The following ASTN2 variants were observed in gnomAD, a reference collection of about 807,000 sequenced individuals.
The protein encoded by ASTN2 is astrotactin-2.
ASTN2 carries 54 observed loss-of-function variants against 139.8 expected under a neutral mutation model. The observed-to-expected ratio is 0.39, with a 90% CI of 0.31 to 0.48. The LOEUF (loss-of-function observed/expected upper bound fraction) is 0.48, where lower values mean the gene tolerates loss of function less well. Among genes scored for constraint, ASTN2 ranks in the 20% least tolerant of loss-of-function variants. The probability of loss-of-function intolerance (pLI) is 0.95; values close to 1 mark genes in which losing one functional copy is unlikely to be tolerated. For synonymous variants in ASTN2, 756 were observed against 719.5 expected (o/e 1.05, Z -0.81); for missense variants, 1,565 against 1,725.1 (o/e 0.91, Z 1.64).
intron 10 of ASTN2, among the ~76,000 whole-genome samples, chr9:116,932,971 A>C (rs1184634549): frequency 1.5e-5 from 2 of 132,246 alleles, no homozygotes; most frequent in Non-Finnish European, 3.1e-5. Context: ...GAGCCACTGC[A>C]CTCCAGCCTG....
At chr9:117,367,958 T>C (rs1829889770) in intron 1 of ASTN2, among the ~76,000 whole-genome samples, 1 of 152,136 alleles carries the variant, frequency 6.6e-6, no homozygotes, top group Non-Finnish European at 1.5e-5. Flanking sequence ...GTATGGAGTA[T>C]GTGCTCTTTT....
At chr9:117,102,500 T>C (rs1829003234) in intron 4 of ASTN2, among the ~76,000 whole-genome samples, 1 of 152,166 alleles carries the variant, frequency 6.6e-6, no homozygotes, top group Non-Finnish European at 1.5e-5. Context: ...TAAATGCCAC[T>C]GAATTATACA....
intron 2 of ASTN2, among the ~76,000 whole-genome samples, chr9:117,266,702 G>A (rs896051915): frequency 2.0e-5 from 3 of 151,744 alleles, no homozygotes; most frequent in East Asian, 1.9e-4. Context: ...TATTATTTTC[G>A]TTTTGCTTTA....
At position 116,973,709 on chromosome 9, in the gene ASTN2, C is replaced by T. The variant is rs560509920; in HGVS notation, c.1889+1499G>A. On this transcript the variant is annotated intron_variant, in intron 10 of 22. Coordinates refer to ENST00000313400, the MANE Select transcript of ASTN2 (RefSeq NM_001365068.1). The stretch of plus-strand genomic sequence containing the variant: ...CTTAGCACATGCTTTACTAAAATCT[C>T]GTATACTTCAATTCTATCAAAAATG... 2.0e-5 allele frequency among the ~76,000 whole-genome samples: 3 copies of T among 152,294 alleles called. No homozygotes were observed. In the East Asian group the frequency reaches 5.8e-4, roughly 29 times the overall value.
intron 13 of ASTN2, among the ~76,000 whole-genome samples, chr9:116,735,415 T>C (rs894209): frequency 1 from 152,340 of 152,350 alleles, 76,165 homozygotes; most frequent in Non-Finnish European, 1. Flanking sequence ...GTCCTCATGC[T>C]TCCCTTGTGA....
chr9:117,395,574 G>C (rs1830655378), intron 1 of ASTN2, among the ~76,000 whole-genome samples: 1 of 152,196 alleles, frequency 6.6e-6, no homozygotes. Flanking sequence ...CTCAAGGCTG[G>C]TGTTCTGAGT....
intron 4 of ASTN2, among the ~76,000 whole-genome samples, chr9:117,102,235 T>C (rs961795457): frequency 6.6e-6 from 1 of 152,238 alleles, no homozygotes. Context: ...ACAATGTGGA[T>C]GAATGTTGCA....
intron 5 of ASTN2, among the ~76,000 whole-genome samples, chr9:117,088,104 T>C (rs1231969669): frequency 7.9e-5 from 12 of 152,212 alleles, no homozygotes. Context: ...GAAGACTGAA[T>C]GGATTACCTT....
chr9:117,126,360 C>T (rs989613103), intron 4 of ASTN2, among the ~76,000 whole-genome samples: 3 of 152,192 alleles, frequency 2.0e-5, no homozygotes. Flanking sequence ...AATTTACCTC[C>T]AAGCTCCTGG....
chr9:116,857,064 C>T (rs1251481727), intron 11 of ASTN2, among the ~76,000 whole-genome samples: 1 of 152,142 alleles, frequency 6.6e-6, no homozygotes, highest in African/African-American at 2.4e-5. Flanking sequence ...TCATTTTTCT[C>T]ATGTGTGAAG....
intron 3 of ASTN2, among the ~76,000 whole-genome samples, chr9:117,144,660 GTTTTTTTTTTTTTTTTTTTTTTTTTTTT>G (rs71379267): frequency 1.3e-5 from 1 of 78,308 alleles, no homozygotes; most frequent in Non-Finnish European, 2.3e-5. Context: ...GTGAACACTA[GTTTTTTTTTTTTTTTTTTTTTTTTTTTT>G]TTTTTTTTTT....
At chr9:116,596,490 T>C (rs1854585414) in intron 19 of ASTN2, among the ~76,000 whole-genome samples, 1 of 152,116 alleles carries the variant, frequency 6.6e-6, no homozygotes, top group African/African-American at 2.4e-5. Context: ...AAAATAAAAT[T>C]ATTGGAGGCG....
Position 117,199,641 on chromosome 9 carries a change from G to GTT in ASTN2, c.1015+14715_1015+14716dup, listed in dbSNP as rs34734014. Among the ~76,000 whole-genome samples, 62 of 150,764 alleles carry GTT rather than the reference G, an allele frequency of 4.1e-4. 1 individual carries two copies. Among genetic ancestry groups the GTT allele is most frequent in the Admixed American group, 1.3e-3 (20 of 15,118 alleles). On this transcript the variant is annotated intron_variant, in intron 3 of 22. Transcript: ENST00000313400. ...TTTGACTCATGTGAAATTTAAAGTA[G>GTT]TTTTTTTTTTCTAATTCTGTGAAGA...
chr9:117,132,222 A>G (rs554657056), intron 4 of ASTN2, among the ~76,000 whole-genome samples: 1 of 152,186 alleles, frequency 6.6e-6, no homozygotes, highest in Non-Finnish European at 1.5e-5. Context: ...CATGTGAACC[A>G]GGCTGGGATA....
At chr9:116,701,320 C>T (rs1215883140) in intron 16 of ASTN2, 2 of 165,882 alleles carry the variant, frequency 1.2e-5, no homozygotes, top group Non-Finnish European at 2.9e-5. Context: ...TTCTTTTCAT[C>T]TGGAGAAAGC....
intron 13 of ASTN2, among the ~76,000 whole-genome samples, chr9:116,797,992 C>T (rs1260504356): frequency 6.6e-6 from 1 of 152,202 alleles, no homozygotes; most frequent in Non-Finnish European, 1.5e-5. Flanking sequence ...AGAGTTTAGC[C>T]AGGTGCAGTG....
chr9:116,967,241 G>C (rs912873485), intron 10 of ASTN2, among the ~76,000 whole-genome samples: 1 of 152,182 alleles, frequency 6.6e-6, no homozygotes, highest in Non-Finnish European at 1.5e-5. Context: ...CAAAGATAGA[G>C]TGTTAGTTAT....
chr9:117,322,981 T>A (rs1389828378), intron 1 of ASTN2, among the ~76,000 whole-genome samples: 3 of 152,118 alleles, frequency 2.0e-5, no homozygotes, highest in African/African-American at 7.2e-5. Context: ...TCTACTCTCC[T>A]AGAGTCAAGT....
intron 10 of ASTN2, among the ~76,000 whole-genome samples, chr9:116,917,974 G>A (rs1267682540): frequency 1.3e-5 from 2 of 152,082 alleles, no homozygotes; most frequent in Non-Finnish European, 2.9e-5. Context: ...CATGGGGGCT[G>A]GTCTTTCCCA....
Sources: allele counts gnomAD v4.1 joint callset (sites outside exome capture counted in the v4.1 genomes callset), GRCh38; gene constraint gnomAD v4.1.1; transcripts MANE v1.5; gene names NCBI Gene and HGNC (gene_info 2026-07-23, HGNC 2026-07-21).